SIPA1L2: variants seen among roughly 807,000 people sequenced by gnomAD.
SIPA1L2 encodes signal induced proliferation associated 1 like 2.
In SIPA1L2, 56 loss-of-function variants were observed where a neutral mutation model predicts 163.9. The observed-to-expected ratio is 0.34, with a 90% CI of 0.28 to 0.43. The LOEUF (loss-of-function observed/expected upper bound fraction) is 0.43. SIPA1L2 is among the 20% of genes least tolerant of loss of function. The pLI, the probability that SIPA1L2 is intolerant of heterozygous loss-of-function variation, is 1.00. For missense variants in SIPA1L2, 1,974 were observed against 2,193.5 expected (o/e 0.90, Z 2.00); for synonymous variants, 877 against 865.7 (o/e 1.01, Z -0.23).
rs180900330 is a variant in SIPA1L2 at position 232,458,172 on chromosome 1, A to C, written c.3095+2715T>G. ...TATTACAGATTAATTGGGAAAAAAAACCCTGTATGTTTAGGGAATGACATT... is the reference window on the plus strand; with the variant it reads ...TATTACAGATTAATTGGGAAAAAAACCCCTGTATGTTTAGGGAATGACATT... On this transcript the variant is annotated intron_variant, in intron 10 of 22. Coordinates refer to ENST00000674635, the MANE Select transcript of SIPA1L2 (RefSeq NM_020808.5). Among the ~76,000 whole-genome samples the C allele has an allele frequency of 3.0e-3, 449 of 152,120 alleles. 5 individuals are homozygous for C. The highest frequency in any genetic ancestry group is 0.01 in the African/African-American group (419 of 41,518).
intron 3 of SIPA1L2, among the ~76,000 whole-genome samples, chr1:232,504,517 A>G (rs1334090087): frequency 1.3e-5 from 2 of 152,102 alleles, no homozygotes; most frequent in Non-Finnish European, 2.9e-5. Context: ...CAGCCTGGGC[A>G]ACAGAGCGAG....
rs1667102837 is a variant in SIPA1L2, at chr1:232,514,050, G to C, written c.1290C>G (p.Asn430Lys). 2 of 1,614,092 alleles carry C rather than the reference G, an allele frequency of 1.2e-6. No homozygotes were observed. The highest frequency in any genetic ancestry group is 2.7e-5 in the African/African-American group (2 of 74,942). ...TTTCCCCAGAACTGAAAGAGGATGAGTTGGCTCGAGAGAGCGCAATCCGCC... is the reference window on the plus strand; with the variant it reads ...TTTCCCCAGAACTGAAAGAGGATGACTTGGCTCGAGAGAGCGCAATCCGCC... Reference protein sequence around the residue: ...GDRRIALSRANSSSFSSGESC... With the variant: ...GDRRIALSRAKSSSFSSGESC... Residue 430 changes from asparagine to lysine, a missense_variant, in exon 3 of 23, where the codon AAC becomes AAG. Transcript: ENST00000674635.
chr1:232,479,054 G>A (rs1665187768), intron 7 of SIPA1L2, among the ~76,000 whole-genome samples: 1 of 152,168 alleles, frequency 6.6e-6, no homozygotes. Context: ...TTGACTCAAA[G>A]TTATACCAAA....
chr1:232,483,599 G>A (rs1665479173), intron 6 of SIPA1L2, among the ~76,000 whole-genome samples, 193 bp downstream of exon 6: 1 of 152,170 alleles, frequency 6.6e-6, no homozygotes. Context: ...GAGCTTACAA[G>A]GTGAAGCACA....
intron 2 of SIPA1L2, among the ~76,000 whole-genome samples, chr1:232,535,253 T>C (rs773012888): frequency 3.3e-5 from 5 of 152,346 alleles, no homozygotes; most frequent in South Asian, 4.1e-4. Flanking sequence ...TATGTTTTTT[T>C]TTAAAGCTGT....
At chr1:232,504,708 G>A (rs1404656794) in intron 3 of SIPA1L2, among the ~76,000 whole-genome samples, 2 of 152,152 alleles carry the variant, frequency 1.3e-5, no homozygotes, top group African/African-American at 4.8e-5. Context: ...TATTTGCTAA[G>A]CTTGAAAAAT....
chr1:232,527,262 T>C (rs1245612360), intron 2 of SIPA1L2, among the ~76,000 whole-genome samples: 1 of 152,202 alleles, frequency 6.6e-6, no homozygotes, highest in Non-Finnish European at 1.5e-5. Flanking sequence ...AATTGTCTGG[T>C]TTGACTCATA....
chr1:232,527,243 A>G (rs1213087019), intron 2 of SIPA1L2, among the ~76,000 whole-genome samples: 1 of 152,266 alleles, frequency 6.6e-6, no homozygotes, highest in Non-Finnish European at 1.5e-5. Context: ...AAAGGGCTCC[A>G]TACTTTTTAA....
intron 13 of SIPA1L2, 94 bp downstream of exon 13, chr1:232,441,674 G>A: frequency 1.9e-6 from 2 of 1,064,544 alleles, no homozygotes; most frequent in Non-Finnish European, 2.8e-6. Context: ...TAGGTTGAAT[G>A]AGTGAATGAA....
intron 19 of SIPA1L2, 26 bp from the exon 20 acceptor site, chr1:232,404,204 A>G (rs1660511476): frequency 6.2e-7 from 1 of 1,611,012 alleles, no homozygotes; most frequent in Non-Finnish European, 8.5e-7. Context: ...GAATTTTCCT[A>G]TGAACAGGAG....
At chr1:232,482,614 G>A (rs1245525457) in intron 6 of SIPA1L2, among the ~76,000 whole-genome samples, 1 of 152,180 alleles carries the variant, frequency 6.6e-6, no homozygotes, top group Non-Finnish European at 1.5e-5. Flanking sequence ...GCCCATGTGT[G>A]AGTTTACACC....
intron 10 of SIPA1L2, among the ~76,000 whole-genome samples, chr1:232,451,858 AT>A (rs1396483026): frequency 6.6e-6 from 1 of 152,032 alleles, no homozygotes; most frequent in Non-Finnish European, 1.5e-5. Context: ...ATAGGGATCA[AT>A]ACAAAGTCAG....
intron 1 of SIPA1L2, among the ~76,000 whole-genome samples, chr1:232,598,139 T>C (rs745577132): frequency 9.9e-5 from 15 of 151,920 alleles, no homozygotes; most frequent in Non-Finnish European, 1.9e-4. Context: ...CTGTGGCTCA[T>C]GCCTGTAATC....
At chr1:232,618,400 A>G (rs1457232822) in intron 1 of SIPA1L2, among the ~76,000 whole-genome samples, 1 of 152,156 alleles carries the variant, frequency 6.6e-6, no homozygotes, top group Non-Finnish European at 1.5e-5. Flanking sequence ...TCACACCTGT[A>G]ATCCCAGCAC....
At chr1:232,517,821 G>A (rs145196404) in intron 2 of SIPA1L2, among the ~76,000 whole-genome samples, 2,319 of 152,124 alleles carry the variant, frequency 0.015, 64 homozygotes, top group African/African-American at 0.053. Flanking sequence ...CAGGAGGATC[G>A]CTTGAGCCCA....
At chr1:232,608,063 A>AAAAAAAAAC (rs1558301973) in intron 1 of SIPA1L2, among the ~76,000 whole-genome samples, 3 of 150,972 alleles carry the variant, frequency 2.0e-5, no homozygotes, top group African/African-American at 7.3e-5. Context: ...AAAAAAAAAA[A>AAAAAAAAAC]AAAAAACGAG....
At chr1:232,614,361 A>C (rs548824300) in intron 1 of SIPA1L2, among the ~76,000 whole-genome samples, 15 of 152,318 alleles carry the variant, frequency 9.8e-5, no homozygotes, top group Non-Finnish European at 1.5e-4. Flanking sequence ...TTCCTCACAC[A>C]CAAGTTTCGT....
At chr1:232,460,554 C>T (rs766263242) in intron 10 of SIPA1L2, among the ~76,000 whole-genome samples, 1 of 152,014 alleles carries the variant, frequency 6.6e-6, no homozygotes, top group Non-Finnish European at 1.5e-5. Context: ...AGCTGTGATA[C>T]AGAATTATTT....
At chr1:232,575,185 T>C (rs1285680) in intron 1 of SIPA1L2, among the ~76,000 whole-genome samples, 42,617 of 152,030 alleles carry the variant, frequency 0.28, 6,443 homozygotes, top group East Asian at 0.56. Flanking sequence ...CAAAACTATA[T>C]AAACATGGGT....
Sources: allele counts gnomAD v4.1 joint callset (sites outside exome capture counted in the v4.1 genomes callset), GRCh38; gene constraint gnomAD v4.1.1; transcripts MANE v1.5; gene names NCBI Gene and HGNC (gene_info 2026-07-23, HGNC 2026-07-21).